The following HADHB variants were observed in gnomAD, a reference collection of about 807,000 sequenced individuals.
HADHB encodes trifunctional enzyme subunit beta, mitochondrial.
HADHB carries 50 observed loss-of-function variants against 61.9 expected under a neutral mutation model. The ratio of observed to expected loss-of-function variants is 0.81; its 90% confidence interval spans 0.64 to 1.02. The LOEUF (loss-of-function observed/expected upper bound fraction) is 1.02. HADHB is among the 50% of genes least tolerant of loss of function. HADHB has a pLI of 0.00. For synonymous variants in HADHB, 191 were observed against 201.6 expected (o/e 0.95, Z 0.45); for missense variants, 504 against 586.5 (o/e 0.86, Z 1.45).
chr2:26,278,756 A>T lies in HADHB; in HGVS notation c.585A>T (p.Arg195=). The T allele has an allele frequency of 6.2e-7, 1 of 1,614,134 alleles. No homozygotes were observed. The highest frequency in any genetic ancestry group is 8.5e-7 in the Non-Finnish European group (1 of 1,180,004). The part of the protein sequence containing the change: ...DLNKAKSMGQ[R]LSLISKFRFN... ...ATAAGGCCAAATCTATGGGCCAGCG[A>T]CTGTCTTTAATCTCTAAATTCCGAT... The change falls in exon 8 of 16, where the codon CGA becomes CGT. Residue 195 remains arginine (R), a synonymous_variant. Transcript: ENST00000317799.
chr2:26,261,244 A>G (rs1671854765), intron 3 of HADHB: 1 of 496,310 alleles, frequency 2.0e-6, no homozygotes, highest in Non-Finnish European at 3.6e-6. Flanking sequence ...CAAAAAAAGT[A>G]TCTTTTATTG....
At chr2:26,249,273 C>T (rs1382994754) in intron 1 of HADHB, among the ~76,000 whole-genome samples, 1 of 152,044 alleles carries the variant, frequency 6.6e-6, no homozygotes, top group Non-Finnish European at 1.5e-5. Flanking sequence ...GTGGCTCACG[C>T]CTGTAATCCT....
intron 10 of HADHB, among the ~76,000 whole-genome samples, chr2:26,281,293 C>A (rs926198077): frequency 6.6e-6 from 1 of 152,130 alleles, no homozygotes; most frequent in Non-Finnish European, 1.5e-5. Context: ...GTCAGAGTTT[C>A]TCTTACAATG....
intron 3 of HADHB, among the ~76,000 whole-genome samples, chr2:26,256,478 T>G (rs1479584693): frequency 6.6e-6 from 1 of 152,058 alleles, no homozygotes; most frequent in East Asian, 1.9e-4. Flanking sequence ...TGATGGAAAT[T>G]TTGACTGATT....
chr2:26,276,598 G>T (rs1028780549), intron 6 of HADHB, among the ~76,000 whole-genome samples: 1 of 152,210 alleles, frequency 6.6e-6, no homozygotes, highest in Non-Finnish European at 1.5e-5. Flanking sequence ...TCATTTTCAT[G>T]TTTAATCACT....
rs1312784316 is a variant in HADHB at position 26,254,385 on chromosome 2, A to G, written c.65-45A>G. 5.4e-6 allele frequency: 8 copies of G among 1,491,222 alleles called. No individual in the cohort carries two copies. The African/African-American group carries it at 5.5e-5, about 10-fold the overall frequency. 92.4% of individuals were successfully genotyped at this position (1,491,222 alleles called of 1,614,324 possible). ...GGATTTATAAACATCTCGCACAGAT[A>G]CTGAATGGTATTGCTTTTTGTAAAC... On this transcript the variant is annotated intron_variant, in intron 2 of 15. Transcript: ENST00000317799.
Position 26,284,163 on chromosome 2 carries a change from A to G in HADHB, c.1108A>G (p.Met370Val), listed in dbSNP as rs1347666506. Residue 370 changes from methionine to valine, a missense_variant, in exon 13 of 16, where the codon ATG (methionine) becomes GTG (valine). Physicochemically the swap from Met to Val is conservative, Grantham distance 21. Transcript: ENST00000317799. The part of the protein sequence containing the change: ...PKVLEKAGLT[M>V]NDIDAFEFHE... The stretch of plus-strand genomic sequence containing the variant: ...AGTTCTAGAAAAGGCAGGATTGACC[A>G]TGAATGATATTGATGCTTTTGAATT... The G allele has an allele frequency of 6.2e-7, 1 of 1,600,832 alleles. No homozygotes were observed. Among genetic ancestry groups the G allele is most frequent in the Non-Finnish European group, 8.6e-7 (1 of 1,167,964 alleles).
intron 3 of HADHB, among the ~76,000 whole-genome samples, chr2:26,258,194 G>C (rs1267211578): frequency 6.6e-6 from 1 of 152,172 alleles, no homozygotes; most frequent in African/African-American, 2.4e-5. Flanking sequence ...TACTGTTGCT[G>C]TTGAGCTGAT....
chr2:26,245,135 A>T lies in HADHB; in HGVS notation c.-9+145A>T, dbSNP rs188951747. On this transcript the variant is annotated intron_variant, in intron 1 of 15. Transcript: ENST00000317799. Reference sequence around the variant, plus strand: ...GAGGGAGCGGAAGGAAACTCCTCGGACAAGGTCGGCAGTGCTAGCTGCAGT... The same window carrying T: ...GAGGGAGCGGAAGGAAACTCCTCGGTCAAGGTCGGCAGTGCTAGCTGCAGT... The T allele has an allele frequency of 5.8e-4, 125 of 217,150 alleles. 1 individual carries two copies. The highest frequency in any genetic ancestry group is 2.7e-3 in the African/African-American group (118 of 44,136). 13.5% of individuals were successfully genotyped at this position (217,150 alleles called of 1,614,324 possible).
chr2:26,283,040 A>G lies in HADHB; in HGVS notation c.1050A>G (p.Gln350=), dbSNP rs753777514. Residue 350 remains glutamine, a synonymous_variant, in exon 12 of 16, where the codon CAA becomes CAG. Transcript: ENST00000317799. ...ATGTGTCTCAGGATCCAAAAGATCA[A>G]CTATTACTTGGGTAGGTAGCAGTTT... ...FMYVSQDPKD[Q]LLLGPTYATP... 4.7e-5 allele frequency: 76 copies of G among 1,606,492 alleles called. No individual in the cohort carries two copies. In the Admixed American group the frequency reaches 1.2e-3, roughly 26 times the overall value.
In HADHB at chr2:26,290,428, TATG is replaced by T. The variant is rs1278487617; in HGVS notation, c.*476_*478del. The stretch of plus-strand genomic sequence containing the variant: ...TATAAAAAATGTTTAGATACATAAA[TATG>T]GTGGTCAGCGTTAATAAAGTGGAGA... On this transcript the variant is annotated 3_prime_UTR_variant, in exon 16 of 16. Coordinates refer to ENST00000317799, the MANE Select transcript of HADHB (RefSeq NM_000183.3). 1 of 184,544 alleles carries T rather than the reference TATG, an allele frequency of 5.4e-6. No individual in the cohort carries two copies. Among genetic ancestry groups the T allele is most frequent in the Admixed American group, 5.4e-5 (1 of 18,416 alleles). The allele number at this position is 184,544 out of a possible 1,614,324, so 11.4% of individuals were successfully genotyped here. A position where few individuals can be genotyped will look rare whatever the true frequency, so the allele number is the denominator to read the frequency against.
intron 5 of HADHB, among the ~76,000 whole-genome samples, chr2:26,272,004 C>T (rs1029625730): frequency 4.1e-4 from 63 of 152,300 alleles, no homozygotes; most frequent in African/African-American, 1.5e-3. Flanking sequence ...ACTGCAACCT[C>T]GAAGCCTCCC....
intron 1 of HADHB, among the ~76,000 whole-genome samples, chr2:26,246,604 G>T (rs954606001): frequency 1.3e-5 from 2 of 152,010 alleles, no homozygotes; most frequent in Admixed American, 1.3e-4. Flanking sequence ...GCCCCCCAAA[G>T]TGCTGGGATT....
intron 5 of HADHB, among the ~76,000 whole-genome samples, chr2:26,273,434 A>G (rs1672425474): frequency 1.3e-5 from 2 of 152,162 alleles, no homozygotes; most frequent in African/African-American, 4.8e-5. Flanking sequence ...ACTTCTCATT[A>G]CCAATTCAGC....
At chr2:26,284,302 G>C in intron 13 of HADHB, 98 bp downstream of exon 13, 1 of 793,182 alleles carries the variant, frequency 1.3e-6, no homozygotes, top group South Asian at 1.4e-5. Flanking sequence ...GATGTGAGTA[G>C]AGCAGGAGTG....
chr2:26,265,327 G>A (rs1473574775), intron 4 of HADHB, among the ~76,000 whole-genome samples: 1 of 152,218 alleles, frequency 6.6e-6, no homozygotes, highest in African/African-American at 2.4e-5. Flanking sequence ...CAGGTTCAGT[G>A]GCTCACACCT....
chr2:26,246,220 T>G (rs143948650), intron 1 of HADHB, among the ~76,000 whole-genome samples: 1 of 152,238 alleles, frequency 6.6e-6, no homozygotes, highest in African/African-American at 2.4e-5. Flanking sequence ...GTAACACTTA[T>G]TATTTAGGTC....
intron 4 of HADHB, among the ~76,000 whole-genome samples, chr2:26,268,613 TG>T (rs1453040647): frequency 6.6e-6 from 1 of 152,136 alleles, no homozygotes; most frequent in East Asian, 1.9e-4. Flanking sequence ...TCTTCAAAAG[TG>T]TCAAGGTCAT....
chr2:26,264,889 C>T (rs1308660323), intron 4 of HADHB, among the ~76,000 whole-genome samples: 1 of 151,276 alleles, frequency 6.6e-6, no homozygotes, highest in Non-Finnish European at 1.5e-5. Flanking sequence ...ACTCGAGACA[C>T]TAAGGCATGA....
Sources: allele counts gnomAD v4.1 joint callset (sites outside exome capture counted in the v4.1 genomes callset), GRCh38; gene constraint gnomAD v4.1.1; transcripts MANE v1.5; gene names NCBI Gene and HGNC (gene_info 2026-07-23, HGNC 2026-07-21).